BRD1: variants seen among roughly 807,000 people sequenced by gnomAD.
BRD1 encodes bromodomain containing 1, also known as bromodomain-containing protein 1.
BRD1 carries 24 observed loss-of-function variants against 107.7 expected under a neutral mutation model. The ratio of observed to expected loss-of-function variants is 0.22; its 90% CI spans 0.16 to 0.31. The LOEUF is 0.31. Ranked by LOEUF, BRD1 falls within the 10% of genes least tolerant of loss-of-function variation. The pLI, the probability that BRD1 is intolerant of heterozygous loss-of-function variation, is 1.00. For synonymous variants in BRD1, 744 were observed against 686.1 expected (o/e 1.08, Z -1.32); for missense variants, 1,279 against 1,638.6 (o/e 0.78, Z 3.79).
At chr22:49,815,254 C>A (rs2059927647) in intron 2 of BRD1, among the ~76,000 whole-genome samples, 1 of 152,184 alleles carries the variant, frequency 6.6e-6, no homozygotes, top group African/African-American at 2.4e-5. Flanking sequence ...TAAAACAAAT[C>A]TAGGCCAGGC....
intron 2 of BRD1, among the ~76,000 whole-genome samples, chr22:49,804,759 G>T (rs1196047605): frequency 1.3e-5 from 2 of 152,126 alleles, no homozygotes; most frequent in African/African-American, 4.8e-5. Flanking sequence ...GCTGAGGCAG[G>T]AGAATCGCTT....
At chr22:49,798,517 T>C in intron 5 of BRD1, 41 bp downstream of exon 5, 1 of 1,614,010 alleles carries the variant, frequency 6.2e-7, no homozygotes, top group Non-Finnish European at 8.5e-7. Flanking sequence ...AAATCCACAG[T>C]CACACATGCG....
Position 49,789,498 on chromosome 22 carries a change from C to G in BRD1, c.2360-1611G>C, listed in dbSNP as rs541849411. On this transcript the variant is annotated intron_variant, in intron 7 of 12. Coordinates refer to ENST00000404760, the MANE Select transcript of BRD1 (RefSeq NM_001304808.3). Reference sequence around the variant, plus strand: ...TCTTCCACCTCCTAGCCTCCCCCCCCCGCCCCGAGCTCTCGCCCTGATTAC... The same window carrying G: ...TCTTCCACCTCCTAGCCTCCCCCCCGCGCCCCGAGCTCTCGCCCTGATTAC... 7.3e-5 allele frequency among the ~76,000 whole-genome samples: 11 copies of G among 151,106 alleles called. 1 individual carries two copies. The highest frequency in any genetic ancestry group is 3.4e-3 in the Middle Eastern group (1 of 290).
At chr22:49,821,518 A>G (rs1569139563) in intron 2 of BRD1, among the ~76,000 whole-genome samples, 1 of 152,192 alleles carries the variant, frequency 6.6e-6, no homozygotes, top group Non-Finnish European at 1.5e-5. Flanking sequence ...TGAATTGACT[A>G]ATTATCTGAG....
intron 6 of BRD1, among the ~76,000 whole-genome samples, chr22:49,796,863 G>C (rs567500253): frequency 5.9e-5 from 9 of 152,072 alleles, no homozygotes; most frequent in Admixed American, 3.9e-4. Context: ...GCGATGGCGG[G>C]AACGTGGAAG....
chr22:49,825,663 C>T (rs1394597367), intron 1 of BRD1: 1 of 152,320 alleles, frequency 6.6e-6, no homozygotes, highest in African/African-American at 2.4e-5. Flanking sequence ...CTGCATCTAG[C>T]CCTGCCACGT....
At chr22:49,785,835 T>C (rs920077735) in intron 8 of BRD1, among the ~76,000 whole-genome samples, 3 of 152,264 alleles carry the variant, frequency 2.0e-5, no homozygotes, top group Non-Finnish European at 4.4e-5. Context: ...ACCTGCTTGC[T>C]GGCAAGGGTA....
rs1187783468 is a variant in BRD1 at position 49,798,701 on chromosome 22, C to G, written c.1657-15G>C. 1 of 1,583,364 alleles carries G rather than the reference C, an allele frequency of 6.3e-7. No individual in the cohort carries two copies. Among genetic ancestry groups the G allele is most frequent in the East Asian group, 2.3e-5 (1 of 43,774 alleles). ...TCCACCTTCACCTGGGGGGGCCCAG[C>G]AGAGCCTCAGCTTTAGGGAGCCGCA... On this transcript the variant is annotated splice_polypyrimidine_tract_variant and intron_variant, in intron 4 of 12. Transcript: ENST00000404760.
At chr22:49,777,887 C>T in intron 8 of BRD1, 74 bp from the exon 9 acceptor site, 2 of 1,497,946 alleles carry the variant, frequency 1.3e-6, no homozygotes, top group Admixed American at 2.0e-5. Context: ...CGACGTTACA[C>T]TTGGAACACA....
At chr22:49,825,041 G>A (rs560715893) in intron 1 of BRD1, among the ~76,000 whole-genome samples, 180 of 152,148 alleles carry the variant, frequency 1.2e-3, no homozygotes, top group African/African-American at 4.1e-3. Flanking sequence ...CCCCAACCCC[G>A]CTTCTGCAGA....
At position 49,803,745 on chromosome 22, in the gene BRD1, A is replaced by C. The variant is rs1373825340; in HGVS notation, c.1524+459T>G. On this transcript the variant is annotated intron_variant, in intron 3 of 12. Transcript: ENST00000404760. The surrounding 1 kb of genome is among the most constrained non-coding windows in gnomAD (Gnocchi z 4.4). Reference sequence around the variant, plus strand: ...CAACCTTCAGAGCAAGGCCCTCGAAATAAACCACTCCTCACATATTTCCAA... The same window carrying C: ...CAACCTTCAGAGCAAGGCCCTCGAACTAAACCACTCCTCACATATTTCCAA... 6.6e-6 allele frequency among the ~76,000 whole-genome samples: 1 copy of C among 152,094 alleles called. No homozygotes were observed. The highest frequency in any genetic ancestry group is 1.5e-5 in the Non-Finnish European group (1 of 68,010).
intron 3 of BRD1, among the ~76,000 whole-genome samples, chr22:49,801,553 C>T (rs2059641082): frequency 6.6e-6 from 1 of 152,246 alleles, no homozygotes. Context: ...ATAGCCCGTT[C>T]ACACAGAGGC....
chr22:49,793,617 G>A (rs558843854), intron 7 of BRD1, among the ~76,000 whole-genome samples: 3 of 152,254 alleles, frequency 2.0e-5, no homozygotes, highest in Non-Finnish European at 1.5e-5. Context: ...TGCATTTGAT[G>A]GCCTAGCGCA....
chr22:49,804,677 C>T (rs149928719), intron 2 of BRD1, among the ~76,000 whole-genome samples: 3,173 of 152,124 alleles, frequency 0.021, 60 homozygotes, highest in Non-Finnish European at 0.029. Context: ...GGTGAAACCC[C>T]GTCTCTACCA....
intron 8 of BRD1, among the ~76,000 whole-genome samples, chr22:49,782,746 C>A (rs1019063792): frequency 7.8e-6 from 1 of 128,054 alleles, no homozygotes; most frequent in South Asian, 2.9e-4. Flanking sequence ...GTGACAATGC[C>A]GCTGGGGACA....
intron 8 of BRD1, among the ~76,000 whole-genome samples, chr22:49,784,358 G>A (rs891078608): frequency 1.3e-5 from 2 of 152,014 alleles, no homozygotes; most frequent in Non-Finnish European, 1.5e-5. Context: ...ACAGAGACTC[G>A]CAGCAGGGGT....
At position 49,799,040 on chromosome 22, in the gene BRD1, G is replaced by A. The variant is rs1162514973; in HGVS notation, c.1604C>T (p.Ala535Val). 1.2e-6 allele frequency: 2 copies of A among 1,611,378 alleles called. No individual in the cohort carries two copies. The highest frequency in any genetic ancestry group is 8.5e-7 in the Non-Finnish European group (1 of 1,179,930). ...WQRLRHDLER[A>V]RLLIELLRKR... ...GCGCAGCAGCTCGATCAGCAGGCGA[G>A]CGCGCTCCAGGTCGTGCCGCAGCCG... The change falls in exon 4 of 13, where the codon GCT (alanine) becomes GTT (valine). Residue 535 changes from alanine to valine, a missense_variant. Ala to Val is a moderately conservative substitution (Grantham distance 64, BLOSUM62 0). Transcript: ENST00000404760.
rs890650286 is a variant in BRD1, at chr22:49,778,787, G to A, written c.2858-974C>T. Among the ~76,000 whole-genome samples the A allele has an allele frequency of 4.6e-5, 7 of 152,126 alleles. No homozygotes were observed. In the South Asian group the frequency reaches 1.0e-3, roughly 23 times the overall value. ...CGCCATTCTCCTGCCTCAGCCTCCC[G>A]AGTAGCTGGGACTACAGGCGCCCGC... On this transcript the variant is annotated intron_variant, in intron 8 of 12. Transcript: ENST00000404760.
chr22:49,776,894 C>T, intron 10 of BRD1, 140 bp downstream of exon 10: 3 of 1,267,756 alleles, frequency 2.4e-6, no homozygotes, highest in Non-Finnish European at 3.3e-6. Flanking sequence ...GTGATGAACC[C>T]TTCCCCGGGA....
Sources: allele counts gnomAD v4.1 joint callset (sites outside exome capture counted in the v4.1 genomes callset), GRCh38; gene constraint gnomAD v4.1.1; non-coding constraint Gnocchi (gnomAD v3.1); transcripts MANE v1.5; gene names NCBI Gene and HGNC (gene_info 2026-07-23, HGNC 2026-07-21).